CAB39L: variants seen among roughly 807,000 people sequenced by gnomAD.
The protein encoded by CAB39L is calcium binding protein 39 like.
In CAB39L, 23 loss-of-function variants were observed where a neutral mutation model predicts 39.1. The observed-to-expected ratio is 0.59, with a 90% CI of 0.42 to 0.83. The LOEUF (loss-of-function observed/expected upper bound fraction) is 0.83. Ranked by LOEUF, CAB39L falls within the 40% of genes least tolerant of loss-of-function variation. CAB39L has a pLI of 0.00. For synonymous variants in CAB39L, 126 were observed against 137.2 expected (o/e 0.92, Z 0.57); for missense variants, 366 against 391.9 (o/e 0.93, Z 0.56).
chr13:49,407,013 T>C (rs947838793), intron 3 of CAB39L, among the ~76,000 whole-genome samples: 1 of 152,240 alleles, frequency 6.6e-6, no homozygotes, highest in Non-Finnish European at 1.5e-5. Context: ...TATTTTACAT[T>C]GTTATTCACA....
chr13:49,355,551 T>C (rs970706294), intron 6 of CAB39L, among the ~76,000 whole-genome samples: 5 of 152,112 alleles, frequency 3.3e-5, no homozygotes, highest in African/African-American at 1.2e-4. Context: ...TGTCAGCAAA[T>C]GTACAAGTTG....
rs1368696716 is a variant in CAB39L, at chr13:49,308,723, G to A, written c.*2091C>T. On this transcript the variant is annotated 3_prime_UTR_variant, in exon 11 of 11. Transcript: ENST00000409308. ...GAAATCACTAAATATGACCTTTTCA[G>A]AATTCAATTCTCACAGTATTTACAG... is the stretch of plus-strand genomic sequence containing the variant. 1 of 152,562 alleles carries A rather than the reference G, an allele frequency of 6.6e-6. No individual in the cohort carries two copies. Among genetic ancestry groups the A allele is most frequent in the Non-Finnish European group, 1.5e-5 (1 of 68,040 alleles). The allele number at this position is 152,562 out of a possible 1,614,324, so 9.5% of individuals were successfully genotyped here.
At chr13:49,312,448 T>C (rs1316339119) in intron 10 of CAB39L, among the ~76,000 whole-genome samples, 1 of 152,228 alleles carries the variant, frequency 6.6e-6, no homozygotes, top group African/African-American at 2.4e-5. Context: ...TATGTTTAGA[T>C]ACCCAAATAC....
chr13:49,408,911 CA>C (rs1426148917), intron 3 of CAB39L, among the ~76,000 whole-genome samples: 4 of 151,664 alleles, frequency 2.6e-5, no homozygotes, highest in African/African-American at 9.7e-5. Context: ...ATCGTGTGAC[CA>C]AAAAAACCCA....
chr13:49,443,890 C>T (rs1358530538), intron 1 of CAB39L, 96 bp downstream of exon 1: 1 of 456,448 alleles, frequency 2.2e-6, no homozygotes, highest in Non-Finnish European at 4.4e-6. Flanking sequence ...CCATTGTTCT[C>T]TCCGGACCCC....
chr13:49,381,703 T>G (rs1023135464), intron 4 of CAB39L, among the ~76,000 whole-genome samples: 7 of 152,248 alleles, frequency 4.6e-5, no homozygotes, highest in African/African-American at 1.7e-4. Context: ...TCTTTAATTT[T>G]TATCACTTTC....
At chr13:49,328,306 C>T (rs956484840) in intron 10 of CAB39L, among the ~76,000 whole-genome samples, 1 of 152,178 alleles carries the variant, frequency 6.6e-6, no homozygotes, top group Non-Finnish European at 1.5e-5. Context: ...AAAGTGGTAT[C>T]TCATTGATAT....
At chr13:49,327,966 T>C (rs960162402) in intron 10 of CAB39L, among the ~76,000 whole-genome samples, 1 of 152,214 alleles carries the variant, frequency 6.6e-6, no homozygotes, top group African/African-American at 2.4e-5. Context: ...AAACAATTTT[T>C]CCATCAAATT....
intron 4 of CAB39L, among the ~76,000 whole-genome samples, chr13:49,382,305 T>G (rs547046808): frequency 2.6e-5 from 4 of 152,256 alleles, no homozygotes; most frequent in South Asian, 2.1e-4. Flanking sequence ...AAGGATACTA[T>G]GAACTCGTGT....
intron 1 of CAB39L, among the ~76,000 whole-genome samples, chr13:49,442,810 A>AC (rs1957560268): frequency 6.7e-6 from 1 of 148,244 alleles, no homozygotes; most frequent in Non-Finnish European, 1.5e-5. Context: ...AAAAAAAAAA[A>AC]AAAAAAAAAC....
intron 10 of CAB39L, among the ~76,000 whole-genome samples, chr13:49,318,738 G>C (rs1954261816): frequency 6.6e-6 from 1 of 150,952 alleles, no homozygotes; most frequent in Admixed American, 6.6e-5. Context: ...AAAATTGGCT[G>C]TTCCTCAGTA....
chr13:49,413,161 T>C (rs2138691095), intron 3 of CAB39L: 1 of 152,280 alleles, frequency 6.6e-6, no homozygotes, highest in Non-Finnish European at 1.5e-5. Context: ...ATAAAATCAT[T>C]ACACCTGAAT....
At chr13:49,430,251 T>G (rs1957300904) in intron 3 of CAB39L, among the ~76,000 whole-genome samples, 1 of 152,184 alleles carries the variant, frequency 6.6e-6, no homozygotes, top group African/African-American at 2.4e-5. Context: ...CTATAGATAG[T>G]TGGGCGGATT....
At chr13:49,439,449 C>T (rs145116090) in intron 1 of CAB39L, among the ~76,000 whole-genome samples, 365 of 152,264 alleles carry the variant, frequency 2.4e-3, no homozygotes, top group African/African-American at 8.4e-3. Flanking sequence ...TATTGCATTC[C>T]TTCCCTGCAT....
rs1242164364 is a variant in CAB39L at position 49,443,986 on chromosome 13, C to A, written c.-246G>T. 2.2e-6 allele frequency: 1 copy of A among 456,808 alleles called. No individual in the cohort carries two copies. Among genetic ancestry groups the A allele is most frequent in the Non-Finnish European group, 4.4e-6 (1 of 226,990 alleles). 28.3% of individuals were successfully genotyped at this position (456,808 alleles called of 1,614,324 possible). Reference sequence around the variant, plus strand: ...CACAAGATGGCAGCCTCACACCTACCGGAGGAAACAGCTGCGCCACCACTC... The same window carrying A: ...CACAAGATGGCAGCCTCACACCTACAGGAGGAAACAGCTGCGCCACCACTC... On this transcript the variant is annotated splice_region_variant and 5_prime_UTR_variant, in exon 1 of 11. Transcript: ENST00000409308.
At chr13:49,419,394 A>C (rs147305447) in intron 3 of CAB39L, among the ~76,000 whole-genome samples, 1 of 152,320 alleles carries the variant, frequency 6.6e-6, no homozygotes, top group African/African-American at 2.4e-5. Flanking sequence ...CCTGAGCAAC[A>C]TGGCAAAACC....
At chr13:49,372,305 T>C (rs1955940042) in intron 5 of CAB39L, among the ~76,000 whole-genome samples, 1 of 152,178 alleles carries the variant, frequency 6.6e-6, no homozygotes, top group Non-Finnish European at 1.5e-5. Flanking sequence ...TAGATAAAAA[T>C]TTATAGCTAC....
intron 5 of CAB39L, among the ~76,000 whole-genome samples, chr13:49,362,726 T>G (rs1481723264): frequency 6.6e-6 from 1 of 151,772 alleles, no homozygotes; most frequent in Non-Finnish European, 1.5e-5. Context: ...TAGAGAAAGA[T>G]ATGAATATTC....
chr13:49,389,626 C>T (rs1956444538), intron 3 of CAB39L, among the ~76,000 whole-genome samples: 1 of 152,130 alleles, frequency 6.6e-6, no homozygotes, highest in Non-Finnish European at 1.5e-5. Flanking sequence ...GGTGACAAAA[C>T]AAGACTCTGT....
Sources: allele counts gnomAD v4.1 joint callset (sites outside exome capture counted in the v4.1 genomes callset), GRCh38; gene constraint gnomAD v4.1.1; transcripts MANE v1.5; gene names NCBI Gene and HGNC (gene_info 2026-07-23, HGNC 2026-07-21).